SPEG: variants seen among roughly 807,000 people sequenced by gnomAD.
The protein encoded by SPEG is striated muscle enriched protein kinase, also known as striated muscle preferentially expressed protein kinase.
In SPEG, 114 loss-of-function variants were observed where a neutral mutation model predicts 300.4. The ratio of observed to expected loss-of-function variants is 0.38; its 90% CI spans 0.33 to 0.44. SPEG has a LOEUF of 0.44. Ranked by LOEUF, SPEG falls within the 20% of genes least tolerant of loss-of-function variation. SPEG has a pLI of 1.00. For synonymous variants in SPEG, 1,964 were observed against 2,018.9 expected (o/e 0.97, Z 0.73); for missense variants, 4,201 against 4,586.2 (o/e 0.92, Z 2.43).
Position 219,484,050 on chromosome 2 carries a change from C to T in SPEG, c.6587C>T (p.Ala2196Val), listed in dbSNP as rs775108606. ...ACCCCTAAGTCTGCAGAACCTTCTG[C>T]CACCACACCTAGTGATGCTCCGCAG... ...PSTPKSAEPS[A>V]TTPSDAPQPP... Residue 2196 changes from alanine (A) to valine (V), a missense_variant, in exon 30 of 41, where the codon GCC becomes GTC. Coordinates refer to ENST00000312358, the MANE Select transcript of SPEG (RefSeq NM_005876.5). 3 of 1,613,552 alleles carry T rather than the reference C, an allele frequency of 1.9e-6. No individual in the cohort carries two copies. Among genetic ancestry groups the T allele is most frequent in the Non-Finnish European group, 2.5e-6 (3 of 1,179,892 alleles).
Position 219,448,156 on chromosome 2 carries a change from C to T in SPEG, c.998C>T (p.Thr333Met). Reference sequence around the variant, plus strand: ...CCGGCCCAGCCCGCGGCCACCCCCACGTCGCCCCACCGTCGCACTCAGGAG... The same window carrying T: ...CCGGCCCAGCCCGCGGCCACCCCCATGTCGCCCCACCGTCGCACTCAGGAG... ...GPPAQPAATP[T>M]SPHRRTQEPV... Residue 333 changes from threonine (T) to methionine (M), a missense_variant, in exon 4 of 41, where the codon ACG (threonine) becomes ATG (methionine). Physicochemically the swap from Thr to Met is moderately conservative, Grantham distance 81. Coordinates refer to ENST00000312358, the MANE Select transcript of SPEG (RefSeq NM_005876.5). 1 of 1,610,080 alleles carries T rather than the reference C, an allele frequency of 6.2e-7. No homozygotes were observed. The highest frequency in any genetic ancestry group is 1.7e-5 in the Admixed American group (1 of 59,774).
chr2:219,435,490 CT>C lies in SPEG; in HGVS notation c.388+127del, dbSNP rs200033126. The C allele has an allele frequency of 5.9e-3, 6,602 of 1,115,726 alleles. 267 individuals carry two copies. In the African/African-American group the frequency reaches 0.093, roughly 16 times the overall value. 69.1% of individuals were successfully genotyped at this position (1,115,726 alleles called of 1,614,324 possible). ...GCCGCCTTCTTCCCAGGTGCCCTGG[CT>C]TCTCGGCTGCCCGGCCCCAGAAGTG... On this transcript the variant is annotated intron_variant, in intron 1 of 40. Coordinates refer to ENST00000312358, the MANE Select transcript of SPEG (RefSeq NM_005876.5).
chr2:219,466,609 C>T (rs1416870777), intron 9 of SPEG: 27 of 1,006,770 alleles, frequency 2.7e-5, no homozygotes, highest in Non-Finnish European at 3.2e-5. Context: ...ACAACACTTT[C>T]TATTTCACAA....
chr2:219,483,584 C>A lies in SPEG; in HGVS notation c.6121C>A (p.Pro2041Thr). The change falls in exon 30 of 41, where the codon CCG becomes ACG. Residue 2041 changes from proline (P) to threonine (T), a missense_variant. By Grantham distance (38) the Pro-to-Thr change is conservative. Transcript: ENST00000312358. ...GLHKAASVEL[P>T]QRRSPSPGAT... is the part of the protein sequence containing the mutation. ...GCACAAGGCGGCGTCTGTGGAGCTGCCGCAGCGCCGGAGCCCCAGCCCGGG... is the reference window on the plus strand; with the variant it reads ...GCACAAGGCGGCGTCTGTGGAGCTGACGCAGCGCCGGAGCCCCAGCCCGGG... 6.8e-7 allele frequency: 1 copy of A among 1,469,368 alleles called. No homozygotes were observed. Among genetic ancestry groups the A allele is most frequent in the Non-Finnish European group, 8.9e-7 (1 of 1,121,654 alleles). The allele number at this position is 1,469,368 out of a possible 1,614,324, so 91.0% of individuals were successfully genotyped here.
intron 1 of SPEG, 75 bp downstream of exon 1, chr2:219,435,440 G>C: frequency 7.0e-7 from 1 of 1,430,514 alleles, no homozygotes; most frequent in Non-Finnish European, 9.2e-7. Context: ...CAGGCCACGC[G>C]GGTAAGGTAC....
intron 31 of SPEG, 29 bp from the exon 32 acceptor site, chr2:219,488,165 A>G: frequency 6.5e-7 from 1 of 1,529,032 alleles, no homozygotes; most frequent in Middle Eastern, 1.7e-4. Context: ...GTCCCTACAG[A>G]TAGATGGCTG....
chr2:219,474,434 A>G (rs1436101032), intron 18 of SPEG: 1 of 154,274 alleles, frequency 6.5e-6, no homozygotes, highest in Non-Finnish European at 1.4e-5. Context: ...TCTCAGTACT[A>G]AGCACTTTAC....
At chr2:219,461,028 G>C in intron 6 of SPEG, 8 of 976,544 alleles carry the variant, frequency 8.2e-6, no homozygotes, top group Non-Finnish European at 9.7e-6. Flanking sequence ...CTGGGGGCTT[G>C]GGGTGGGGGG....
Position 219,473,644 on chromosome 2 carries a change from C to T in SPEG, c.4271+17C>T. ...CTGGAGGAGGTGGGCCCCTTTCCCA[C>T]ATGTGGCAGCCCAGGTCTGGCCCAG... On this transcript the variant is annotated intron_variant, in intron 17 of 40. Coordinates refer to ENST00000312358, the MANE Select transcript of SPEG (RefSeq NM_005876.5). The surrounding 1 kb of genome is among the most constrained non-coding windows in gnomAD (Gnocchi z 4.6). The T allele has an allele frequency of 1.9e-6, 3 of 1,614,158 alleles. No homozygotes were observed. Among genetic ancestry groups the T allele is most frequent in the Non-Finnish European group, 2.5e-6 (3 of 1,180,020 alleles).
intron 29 of SPEG, 41 bp from the exon 30 acceptor site, chr2:219,483,057 C>G (rs760654601): frequency 1.9e-6 from 3 of 1,572,274 alleles, no homozygotes; most frequent in Non-Finnish European, 2.6e-6. Flanking sequence ...CAATCCTGCC[C>G]CAGGGGTCCC....
intron 6 of SPEG, among the ~76,000 whole-genome samples, chr2:219,455,173 G>A (rs1033696161): frequency 6.6e-6 from 1 of 152,220 alleles, no homozygotes; most frequent in African/African-American, 2.4e-5. Flanking sequence ...ACCAGGCCCT[G>A]TGTTGATTGG....
chr2:219,461,708 G>A, intron 6 of SPEG, 174 bp from the exon 7 acceptor site: 2 of 817,314 alleles, frequency 2.4e-6, no homozygotes, highest in South Asian at 3.7e-5. Context: ...AGGTTCCAGG[G>A]GCTCAGGGAG....
chr2:219,475,314 C>G (rs1692238370), intron 18 of SPEG, among the ~76,000 whole-genome samples: 1 of 152,174 alleles, frequency 6.6e-6, no homozygotes, highest in African/African-American at 2.4e-5. Flanking sequence ...CACAGGCAAT[C>G]TTATCATGGG....
chr2:219,462,422 T>A, intron 8 of SPEG, 36 bp downstream of exon 8: 1 of 1,508,894 alleles, frequency 6.6e-7, no homozygotes, highest in Non-Finnish European at 9.0e-7. Context: ...CACCAGCGAC[T>A]CTATGCCAGG....
Position 219,444,391 on chromosome 2 carries a change from G to A in SPEG, c.389-262G>A, listed in dbSNP as rs1689133780. Reference sequence around the variant, plus strand: ...CCATTAAGATATTGGCAGGCGGGGAGGGGGTGGCAGTTTGGAGGGCCCTAC... The same window carrying A: ...CCATTAAGATATTGGCAGGCGGGGAAGGGGTGGCAGTTTGGAGGGCCCTAC... On this transcript the variant is annotated intron_variant, in intron 1 of 40. Transcript: ENST00000312358. The surrounding 1 kb of genome is among the most constrained non-coding windows in gnomAD (Gnocchi z 7.8). Among the ~76,000 whole-genome samples the A allele has an allele frequency of 6.6e-6, 1 of 151,990 alleles. No individual in the cohort carries two copies. Among genetic ancestry groups the A allele is most frequent in the Non-Finnish European group, 1.5e-5 (1 of 67,964 alleles).
chr2:219,490,069 ATGAT>A, intron 36 of SPEG, 130 bp downstream of exon 36: 4 of 1,092,840 alleles, frequency 3.7e-6, no homozygotes, highest in Non-Finnish European at 5.2e-6. Flanking sequence ...GGTTATTAGA[ATGAT>A]TGCGTTCAAA....
At chr2:219,482,104 G>T in intron 28 of SPEG, 1 of 230,012 alleles carries the variant, frequency 4.3e-6, no homozygotes, top group Non-Finnish European at 8.6e-6. Context: ...CAGGTTCTCG[G>T]TTCTCACTCA....
At position 219,462,034 on chromosome 2, in the gene SPEG, T is replaced by A. The variant is rs775273214; in HGVS notation, c.2593T>A (p.Ser865Thr). The A allele has an allele frequency of 6.2e-7, 1 of 1,607,184 alleles. No homozygotes were observed. Among genetic ancestry groups the A allele is most frequent in the Admixed American group, 1.7e-5 (1 of 58,332 alleles). ...SQNRRSSDTG[S>T]KAPPTFKVSL... ...GAACCGCCGTTCTTCTGACACTGGC[T>A]CCAAGGCACCCCCCACCTTCAAGGT... Residue 865 changes from serine to threonine, a missense_variant, in exon 7 of 41, where the codon TCC becomes ACC. This residue lies in a region of SPEG where 1,258 missense variants were observed against 1,293.9 expected (regional missense o/e 0.97). Coordinates refer to ENST00000312358, the MANE Select transcript of SPEG (RefSeq NM_005876.5).
chr2:219,478,738 C>T (rs1312030009), intron 22 of SPEG, among the ~76,000 whole-genome samples: 1 of 152,156 alleles, frequency 6.6e-6, no homozygotes, highest in Non-Finnish European at 1.5e-5. Context: ...CAAATTATTC[C>T]ATGTCATGGA....
Sources: allele counts gnomAD v4.1 joint callset (sites outside exome capture counted in the v4.1 genomes callset), GRCh38; gene constraint gnomAD v4.1.1; regional missense constraint gnomAD v4.1.1; non-coding constraint Gnocchi (gnomAD v3.1); transcripts MANE v1.5; gene names NCBI Gene and HGNC (gene_info 2026-07-23, HGNC 2026-07-21).